Variants in RGPD4 observed in about 807,000 individuals in gnomAD.
The protein encoded by RGPD4 is RANBP2 like and GRIP domain containing 4, also known as ranBP2-like and GRIP domain-containing protein 4.
In RGPD4, 84 loss-of-function variants were observed where a neutral mutation model predicts 141.1. The observed-to-expected ratio is 0.60, with a 90% CI of 0.50 to 0.71. The LOEUF is 0.71. RGPD4 is among the 30% of genes least tolerant of loss of function. RGPD4 has a pLI of 0.00. For missense variants in RGPD4, 918 were observed against 1,622.4 expected (o/e 0.57, Z 7.46); for synonymous variants, 298 against 566.8 (o/e 0.53, Z 6.74).
chr2:107,881,930 C>G (rs1361330756), intron 21 of RGPD4, among the ~76,000 whole-genome samples: 1 of 151,822 alleles, frequency 6.6e-6, no homozygotes, highest in African/African-American at 2.4e-5. Flanking sequence ...GTCTTAACTG[C>G]CTGGGACTTC....
chr2:107,858,461 CAG>C (rs2104456042), intron 9 of RGPD4, among the ~76,000 whole-genome samples: 1 of 102,320 alleles, frequency 9.8e-6, no homozygotes, highest in African/African-American at 4.0e-5. Flanking sequence ...TTTTTTGAGA[CAG>C]AGTCTCACTC....
At chr2:107,828,502 G>C (rs1260330248) in intron 1 of RGPD4, among the ~76,000 whole-genome samples, 1 of 107,900 alleles carries the variant, frequency 9.3e-6, no homozygotes, top group African/African-American at 4.1e-5. Context: ...CGGCGGCCTC[G>C]ACCCGGCCCG....
chr2:107,854,255 G>T (rs1316379643), intron 7 of RGPD4, among the ~76,000 whole-genome samples: 308 of 148,546 alleles, frequency 2.1e-3, no homozygotes, highest in South Asian at 5.4e-3. Flanking sequence ...GTAGAGACTG[G>T]GTTTCACCAT....
intron 2 of RGPD4, 145 bp downstream of exon 2, chr2:107,836,814 A>G (rs1681681101): frequency 2.8e-6 from 1 of 352,046 alleles, no homozygotes; most frequent in East Asian, 3.8e-5. Flanking sequence ...ACTGATGCTA[A>G]GGACCAGCCT....
At position 107,881,420 on chromosome 2, in the gene RGPD4, C is replaced by A. The variant is rs985180304; in HGVS notation, c.5065-1252C>A. ...GCAATCTCCGCCTCCCAGGTTCAAGCGATTCCCCTGCCTCAGCCTCCCGAG... is the reference window on the plus strand; with the variant it reads ...GCAATCTCCGCCTCCCAGGTTCAAGAGATTCCCCTGCCTCAGCCTCCCGAG... On this transcript the variant is annotated intron_variant, in intron 21 of 22. Transcript: ENST00000408999. Among the ~76,000 whole-genome samples the A allele has an allele frequency of 3.3e-5, 5 of 151,856 alleles. No homozygotes were observed. In the East Asian group the frequency reaches 9.7e-4, roughly 29 times the overall value.
chr2:107,883,829 A>G (rs1276288724), intron 22 of RGPD4, among the ~76,000 whole-genome samples: 2 of 152,034 alleles, frequency 1.3e-5, no homozygotes, highest in Non-Finnish European at 2.9e-5. Flanking sequence ...TGACATTTAC[A>G]AGCACAAGGA....
chr2:107,833,465 A>T (rs534556689), intron 1 of RGPD4, among the ~76,000 whole-genome samples: 1 of 150,678 alleles, frequency 6.6e-6, no homozygotes, highest in Non-Finnish European at 1.5e-5. Context: ...TCATGCAAAG[A>T]AGTACTGCTT....
chr2:107,880,530 T>G (rs1675331795), intron 21 of RGPD4, among the ~76,000 whole-genome samples: 2 of 151,820 alleles, frequency 1.3e-5, no homozygotes, highest in Non-Finnish European at 1.5e-5. Flanking sequence ...CCCAAAGTGC[T>G]GGTATTACAG....
At chr2:107,830,203 C>A (rs1573458763) in intron 1 of RGPD4, among the ~76,000 whole-genome samples, 1 of 151,784 alleles carries the variant, frequency 6.6e-6, no homozygotes, top group African/African-American at 2.4e-5. Context: ...AAAGTTCTTA[C>A]AAATCGTTAG....
At position 107,875,281 on chromosome 2, in the gene RGPD4, A is replaced by G. The variant is rs1246119099; in HGVS notation, c.4924+2353A>G. On this transcript the variant is annotated intron_variant, in intron 20 of 22. Transcript: ENST00000408999. ...TTTATCGATAGATTTGATTTAACTCATTATGTCCAGAATATCATTTTAACT... is the reference window on the plus strand; with the variant it reads ...TTTATCGATAGATTTGATTTAACTCGTTATGTCCAGAATATCATTTTAACT... 4.9e-5 allele frequency among the ~76,000 whole-genome samples: 3 copies of G among 61,040 alleles called. No individual in the cohort carries two copies. The East Asian group carries it at 6.8e-4, about 14-fold the overall frequency. 40.0% of individuals were successfully genotyped at this position (61,040 alleles called of 152,430 possible).
intron 1 of RGPD4, among the ~76,000 whole-genome samples, chr2:107,833,095 CT>C (rs1360674152): frequency 1.3e-5 from 2 of 149,186 alleles, no homozygotes; most frequent in Non-Finnish European, 3.0e-5. Context: ...TAATCGCGGC[CT>C]TCACCCTTGT....
intron 2 of RGPD4, among the ~76,000 whole-genome samples, chr2:107,836,938 G>A (rs182086936): frequency 0.042 from 3,002 of 71,266 alleles, 627 homozygotes; most frequent in Non-Finnish European, 0.061. Context: ...GTCTTCTGTT[G>A]AAGTAAAAGA....
At chr2:107,858,432 T>C (rs560184998) in intron 9 of RGPD4, among the ~76,000 whole-genome samples, 5 of 151,668 alleles carry the variant, frequency 3.3e-5, no homozygotes, top group African/African-American at 1.2e-4. Context: ...TCTTTTCTTT[T>C]CTTTTCTTTT....
chr2:107,862,766 T>C lies in RGPD4; in HGVS notation c.2290T>C (p.Tyr764His). The change falls in exon 16 of 23, where the codon TAT becomes CAT. Residue 764 changes from tyrosine (Y) to histidine (H), a missense_variant. By Grantham distance (83) the Tyr-to-His change is moderately conservative. Coordinates refer to ENST00000408999, the MANE Select transcript of RGPD4 (RefSeq NM_182588.3). ...LENYSEGDPL[Y>H]KNGSLRNADS... is the part of the protein sequence containing the mutation. ...AAACTATAGTGAAGGAGATCCTCTC[T>C]ATAAAAATGGTTCTTTGCGAAATGC... The C allele has an allele frequency of 1.2e-6, 1 of 847,732 alleles. No individual in the cohort carries two copies. Among genetic ancestry groups the C allele is most frequent in the East Asian group, 2.5e-5 (1 of 39,464 alleles). The allele number at this position is 847,732 out of a possible 1,614,324, so 52.5% of individuals were successfully genotyped here.
At chr2:107,854,392 T>C (rs1366561696) in intron 7 of RGPD4, among the ~76,000 whole-genome samples, 164 bp from the exon 8 acceptor site, 14 of 152,080 alleles carry the variant, frequency 9.2e-5, no homozygotes, top group Admixed American at 2.6e-4. Context: ...ATAGGTTATA[T>C]AAATTCCTTG....
intron 1 of RGPD4, among the ~76,000 whole-genome samples, chr2:107,831,637 G>A (rs1364960100): frequency 2.7e-5 from 3 of 112,540 alleles, no homozygotes; most frequent in Admixed American, 1.0e-4. Context: ...GTGTAGTGGC[G>A]CGATCTCGGC....
At chr2:107,880,159 A>G (rs1276181129) in intron 21 of RGPD4, 52 bp downstream of exon 21, 2 of 1,608,614 alleles carry the variant, frequency 1.2e-6, no homozygotes, top group South Asian at 1.1e-5. Flanking sequence ...GGTTTTCTGG[A>G]CCCTCCATAC....
chr2:107,874,625 A>T, intron 20 of RGPD4, among the ~76,000 whole-genome samples: 1 of 151,112 alleles, frequency 6.6e-6, no homozygotes, highest in Non-Finnish European at 1.5e-5. Flanking sequence ...ACTTGCGTAC[A>T]GTTTCTGTGA....
At chr2:107,879,842 A>G in intron 20 of RGPD4, 126 bp from the exon 21 acceptor site, 1 of 1,227,542 alleles carries the variant, frequency 8.1e-7, no homozygotes, top group South Asian at 1.6e-5. Context: ...GAATAGATGA[A>G]TGGCAAAGAA....
Sources: gnomAD v4.1 joint callset for allele counts (sites outside exome capture counted in the v4.1 genomes callset) on GRCh38, gnomAD v4.1.1 for gene constraint, MANE v1.5 for transcripts, NCBI Gene and HGNC (gene_info 2026-07-23, HGNC 2026-07-21) for gene names.